The following ZFYVE26 variants were observed in gnomAD, a reference collection of about 807,000 sequenced individuals.
The protein encoded by ZFYVE26 is zinc finger FYVE-type containing 26, also known as zinc finger FYVE domain-containing protein 26.
Under a neutral mutation model 276.5 loss-of-function variants are expected in ZFYVE26, and 181 were observed. The observed-to-expected ratio is 0.65, with a 90% CI of 0.58 to 0.74. ZFYVE26 has a LOEUF of 0.74. ZFYVE26 is among the 30% of genes least tolerant of loss of function. The pLI, the probability that ZFYVE26 is intolerant of heterozygous loss-of-function variation, is 0.00. For synonymous variants in ZFYVE26, 1,129 were observed against 1,203.1 expected (o/e 0.94, Z 1.27); for missense variants, 2,821 against 3,097.9 (o/e 0.91, Z 2.12).
downstream of ZFYVE26, among the ~76,000 whole-genome samples, chr14:67,742,291 T>A (rs1334307801): frequency 2.0e-5 from 3 of 152,160 alleles, no homozygotes; most frequent in Non-Finnish European, 4.4e-5. Context: ...GAGTTTCAGT[T>A]GGAGGATGAA....
At chr14:67,754,018 A>G in intron 38 of ZFYVE26, 53 bp downstream of exon 38, 1 of 1,613,412 alleles carries the variant, frequency 6.2e-7, no homozygotes, top group South Asian at 1.1e-5. Flanking sequence ...AATTATGATA[A>G]GTGTTCTAAA....
At chr14:67,769,889 C>A (rs954500044) in intron 28 of ZFYVE26, 159 bp from the exon 29 acceptor site, 6 of 982,988 alleles carry the variant, frequency 6.1e-6, no homozygotes, top group Non-Finnish European at 9.1e-6. Context: ...TCCTTGCCCT[C>A]AAAAATTGAA....
intron 22 of ZFYVE26, among the ~76,000 whole-genome samples, 173 bp downstream of exon 22, chr14:67,781,160 C>G (rs1381527131): frequency 6.6e-6 from 1 of 152,184 alleles, no homozygotes; most frequent in Non-Finnish European, 1.5e-5. Flanking sequence ...ATAAGTAACA[C>G]AGCAACCAGC....
intron 16 of ZFYVE26, among the ~76,000 whole-genome samples, chr14:67,787,607 A>G (rs75386314): frequency 6.6e-6 from 1 of 151,778 alleles, no homozygotes; most frequent in African/African-American, 2.4e-5. Flanking sequence ...CTATGCACCC[A>G]CACACACACA....
intron 2 of ZFYVE26, among the ~76,000 whole-genome samples, chr14:67,814,452 G>T (rs1322958138): frequency 1.3e-5 from 2 of 152,158 alleles, no homozygotes; most frequent in African/African-American, 4.8e-5. Flanking sequence ...CTGGGAGGCG[G>T]AGGTTGCAGT....
In ZFYVE26 at chr14:67,783,236, C is replaced by T; in HGVS notation, c.3916G>A (p.Ala1306Thr). ...SLPALTSSAL[A>T]FLKSRSKLLA... ...AGCTTTGAGCGTGACTTAAGAAAGG[C>T]CAAGGCAGAGGAGGTGAGGGCTGGG... The change falls in exon 21 of 42, where the codon GCC (alanine) becomes ACC (threonine). Residue 1306 changes from alanine to threonine, a missense_variant. Transcript: ENST00000347230. The T allele has an allele frequency of 3.1e-6, 5 of 1,613,908 alleles. No individual in the cohort carries two copies. The highest frequency in any genetic ancestry group is 2.2e-5 in the East Asian group (1 of 44,876).
rs1555395288 is a variant in ZFYVE26, at chr14:67,769,732, T to C, written c.5485-2A>G. Reference sequence around the variant, plus strand: ...GCGACAATGATGACGCCTGTTAAACTGAGGAATGCCATCAGGAGGAGAAGA... The same window carrying C: ...GCGACAATGATGACGCCTGTTAAACCGAGGAATGCCATCAGGAGGAGAAGA... On this transcript the variant is annotated splice_acceptor_variant, in intron 28 of 41. Coordinates refer to ENST00000347230, the MANE Select transcript of ZFYVE26 (RefSeq NM_015346.4). LOFTEE classifies it high-confidence loss of function. 6.2e-7 allele frequency: 1 copy of C among 1,613,972 alleles called. No homozygotes were observed. The highest frequency in any genetic ancestry group is 8.5e-7 in the Non-Finnish European group (1 of 1,179,994).
At chr14:67,776,543 C>G (rs545512753) in intron 25 of ZFYVE26, among the ~76,000 whole-genome samples, 46 of 152,196 alleles carry the variant, frequency 3.0e-4, no homozygotes, top group Non-Finnish European at 6.2e-4. Flanking sequence ...CCTGGACCCT[C>G]CAGGTATGAT....
At chr14:67,789,281 C>A in intron 16 of ZFYVE26, 54 bp downstream of exon 16, 1 of 1,610,832 alleles carries the variant, frequency 6.2e-7, no homozygotes, top group South Asian at 1.1e-5. Flanking sequence ...TCAAGACTCT[C>A]AGAAACCCAT....
rs2039752834 is a variant in ZFYVE26, at chr14:67,789,474, CAG to C, written c.2878_2879del (p.Leu960GlufsTer16). Reference protein sequence around the residue: ...STALVEPTAPLREVLEDLSPP... With the variant: ...STALVEPTAPXREVLEDLSPP... ...GACTGAGGTCTTCCAGAACCTCTCT[CAG>C]GGGAGCAGTGGGCTCCACTAGAGCC... On this transcript the variant is annotated frameshift_variant, in exon 16 of 42. Transcript: ENST00000347230. LOFTEE classifies it high-confidence loss of function. 6.2e-7 allele frequency: 1 copy of C among 1,614,198 alleles called. No homozygotes were observed. Among genetic ancestry groups the C allele is most frequent in the Non-Finnish European group, 8.5e-7 (1 of 1,180,040 alleles).
chr14:67,814,161 A>G, intron 2 of ZFYVE26, 97 bp from the exon 3 acceptor site: 1 of 981,754 alleles, frequency 1.0e-6, no homozygotes, highest in Middle Eastern at 2.3e-4. Flanking sequence ...TTCTGTTTTA[A>G]ACCTGAACAG....
rs980405184 is a variant in ZFYVE26 at position 67,781,325 on chromosome 14, G to A, written c.4569+8C>T. 6.2e-7 allele frequency: 1 copy of A among 1,613,932 alleles called. No homozygotes were observed. The highest frequency in any genetic ancestry group is 8.5e-7 in the Non-Finnish European group (1 of 1,179,972). On this transcript the variant is annotated splice_region_variant and intron_variant, in intron 22 of 41. Transcript: ENST00000347230. Reference sequence around the variant, plus strand: ...CCGTTCCCTTTCTCTTGATGCGAGGGCCCATACCTTCTGATACACCTGCAG... The same window carrying A: ...CCGTTCCCTTTCTCTTGATGCGAGGACCCATACCTTCTGATACACCTGCAG...
intron 25 of ZFYVE26, among the ~76,000 whole-genome samples, chr14:67,776,638 C>T (rs2039352037): frequency 6.6e-6 from 1 of 152,176 alleles, no homozygotes; most frequent in Non-Finnish European, 1.5e-5. Flanking sequence ...TGTCAGTAGT[C>T]TAATGAAACC....
chr14:67,771,664 A>G (rs1055403351), intron 28 of ZFYVE26, among the ~76,000 whole-genome samples: 1 of 152,216 alleles, frequency 6.6e-6, no homozygotes, highest in Non-Finnish European at 1.5e-5. Context: ...ATTAAGAGGC[A>G]GAGCCAGGAT....
intron 18 of ZFYVE26, 116 bp from the exon 19 acceptor site, chr14:67,785,393 A>G: frequency 1.1e-6 from 1 of 930,378 alleles, no homozygotes; most frequent in Non-Finnish European, 1.7e-6. Context: ...GGGGCATCTG[A>G]TGGCCTGGAC....
At chr14:67,753,067 A>G (rs761467982) in intron 39 of ZFYVE26, among the ~76,000 whole-genome samples, 2 of 152,180 alleles carry the variant, frequency 1.3e-5, no homozygotes, top group African/African-American at 2.4e-5. Context: ...CCAACACCAA[A>G]AACAGATGGG....
At chr14:67,778,871 T>G (rs934631957) in intron 23 of ZFYVE26, among the ~76,000 whole-genome samples, 1 of 152,210 alleles carries the variant, frequency 6.6e-6, no homozygotes, top group Admixed American at 6.5e-5. Context: ...TCCTTGTTTC[T>G]CAGGCTATGT....
At position 67,806,643 on chromosome 14, in the gene ZFYVE26, T is replaced by C. The variant is rs2040186351; in HGVS notation, c.919A>G (p.Met307Val). 6.2e-7 allele frequency: 1 copy of C among 1,614,120 alleles called. No homozygotes were observed. Among genetic ancestry groups the C allele is most frequent in the Admixed American group, 1.7e-5 (1 of 60,010 alleles). Reference protein sequence around the residue: ...SPDHLDPERAMLALFSNPNPA... With the variant: ...SPDHLDPERAVLALFSNPNPA... ...TTGGGATTGGAGAACAGGGCTAGCA[T>C]TGCCCGCTCAGGATCTAGATGATCC... Residue 307 changes from methionine (M) to valine (V), a missense_variant, in exon 6 of 42, where the codon ATG becomes GTG. Transcript: ENST00000347230.
chr14:67,780,468 C>G, intron 22 of ZFYVE26, 123 bp from the exon 23 acceptor site: 1 of 889,856 alleles, frequency 1.1e-6, no homozygotes, highest in South Asian at 1.4e-5. Context: ...GCTGTCAGAA[C>G]TTGCCAGAAA....
Sources: allele counts gnomAD v4.1 joint callset (sites outside exome capture counted in the v4.1 genomes callset), GRCh38; gene constraint gnomAD v4.1.1; transcripts MANE v1.5; gene names NCBI Gene and HGNC (gene_info 2026-07-23, HGNC 2026-07-21).